DIABLO: variants seen among roughly 807,000 people sequenced by gnomAD.
DIABLO encodes the protein diablo homolog, mitochondrial.
DIABLO carries 32 observed loss-of-function variants against 31.7 expected under a neutral mutation model. That is an observed-to-expected ratio of 1.01 (90% confidence interval 0.76 to 1.35). DIABLO has a LOEUF of 1.35. Among genes scored for constraint, DIABLO ranks in the 40% most tolerant of loss-of-function variants. The pLI, the probability that DIABLO is intolerant of heterozygous loss-of-function variation, is 0.00. For synonymous variants in DIABLO, 132 were observed against 103.2 expected, an observed-to-expected ratio of 1.28 and a Z score of -1.69; for missense variants, 316 against 286.4, an observed-to-expected ratio of 1.10 and a Z score of -0.75.
At chr12:122,208,879 A>AT (rs1593165775) in intron 5 of DIABLO, 3 of 447,774 alleles carry the variant, frequency 6.7e-6, no homozygotes, top group East Asian at 5.6e-5. Flanking sequence ...CCTTTGATTA[A>AT]TTTTTTTAAC....
chr12:122,214,676 C>G (rs1954165146), intron 5 of DIABLO, among the ~76,000 whole-genome samples: 3 of 152,124 alleles, frequency 2.0e-5, no homozygotes, highest in South Asian at 4.1e-4. Context: ...CTTGGCTTCC[C>G]AAAGACACGC....
chr12:122,207,849 GTTTTTC>G lies in DIABLO; in HGVS notation c.*526_*531del. Reference sequence around the variant, plus strand: ...GCACCCCTTCTCTTAGTAGTAATAGGTTTTTCACTCCTTGGCCTCAGCTGTCCTCAC... The same window carrying G: ...GCACCCCTTCTCTTAGTAGTAATAGGACTCCTTGGCCTCAGCTGTCCTCAC... On this transcript the variant is annotated 3_prime_UTR_variant, in exon 6 of 6. Transcript: ENST00000464942. 2.2e-6 allele frequency: 1 copy of G among 460,640 alleles called. No individual in the cohort carries two copies. Among genetic ancestry groups the G allele is most frequent in the Non-Finnish European group, 4.3e-6 (1 of 231,418 alleles). 28.5% of individuals were successfully genotyped at this position (460,640 alleles called of 1,614,324 possible).
chr12:122,214,896 G>A (rs756625973), intron 5 of DIABLO, among the ~76,000 whole-genome samples: 5 of 152,102 alleles, frequency 3.3e-5, no homozygotes, highest in Non-Finnish European at 7.4e-5. Flanking sequence ...TCACCACGGT[G>A]GCCAGGGTAG....
At chr12:122,215,950 C>T (rs143714666) in intron 5 of DIABLO, among the ~76,000 whole-genome samples, 7 of 151,092 alleles carry the variant, frequency 4.6e-5, no homozygotes, top group East Asian at 1.9e-4. Flanking sequence ...CTCACCATAC[C>T]GTGTCATCTT....
At chr12:122,210,583 G>GTTA (rs1954063262) in intron 5 of DIABLO, among the ~76,000 whole-genome samples, 2 of 150,746 alleles carry the variant, frequency 1.3e-5, no homozygotes, top group Non-Finnish European at 2.9e-5. Flanking sequence ...GTTTCACCAC[G>GTTA]TTAGCCAGGA....
upstream of DIABLO, among the ~76,000 whole-genome samples, chr12:122,226,947 C>G (rs1165289825): frequency 6.6e-6 from 1 of 152,234 alleles, no homozygotes; most frequent in Non-Finnish European, 1.5e-5. Flanking sequence ...AAGCTGCAGC[C>G]CCAGCTGCGG....
At chr12:122,208,749 T>G in intron 5 of DIABLO, 172 bp from the exon 6 acceptor site, 1 of 720,950 alleles carries the variant, frequency 1.4e-6, no homozygotes, top group East Asian at 2.7e-5. Flanking sequence ...TGTTCAGGTC[T>G]GGATTTAACT....
chr12:122,225,442 A>G (rs1402680685), intron 1 of DIABLO: 2 of 1,002,408 alleles, frequency 2.0e-6, no homozygotes, highest in Non-Finnish European at 2.4e-6. Context: ...AACGGATGCC[A>G]CAATAACCGC....
intron 1 of DIABLO, chr12:122,225,504 G>T: frequency 1.9e-6 from 2 of 1,046,652 alleles, no homozygotes; most frequent in African/African-American, 3.4e-5. Context: ...CCAGTTGTGT[G>T]TGACGGTCCC....
At chr12:122,222,041 G>C (rs1316108150) in intron 2 of DIABLO, 1 of 152,124 alleles carries the variant, frequency 6.6e-6, no homozygotes, top group Non-Finnish European at 1.5e-5. Flanking sequence ...CTTTTGTGAT[G>C]AACACACACG....
At chr12:122,209,786 A>C in intron 5 of DIABLO, 1 of 703,514 alleles carries the variant, frequency 1.4e-6, no homozygotes, top group Non-Finnish European at 2.6e-6. Context: ...ATTAACAAGA[A>C]CCTTCAGGAC....
At chr12:122,226,085 G>A (rs771035163), upstream of DIABLO, 5 of 1,550,808 alleles carry the variant, frequency 3.2e-6, no homozygotes, top group South Asian at 4.7e-5. Flanking sequence ...GCGGGGCACG[G>A]CCTCCACCTG....
At chr12:122,213,411 A>C (rs1002265692) in intron 5 of DIABLO, among the ~76,000 whole-genome samples, 3 of 150,562 alleles carry the variant, frequency 2.0e-5, no homozygotes, top group African/African-American at 7.4e-5. Context: ...ACATGGTAGG[A>C]TCGCTTGAGC....
At chr12:122,225,631 C>T (rs1593184666) in intron 1 of DIABLO, 1 of 1,291,934 alleles carries the variant, frequency 7.7e-7, no homozygotes, top group Non-Finnish European at 9.9e-7. Flanking sequence ...CGGACTCCCC[C>T]CATGCCGTGT....
intron 5 of DIABLO, among the ~76,000 whole-genome samples, chr12:122,212,332 A>G (rs1195502312): frequency 6.6e-6 from 1 of 152,200 alleles, no homozygotes; most frequent in East Asian, 1.9e-4. Flanking sequence ...AAAAAATCTT[A>G]GTAGCTTCTC....
chr12:122,218,433 G>A (rs1381164938), intron 2 of DIABLO, 36 bp from the exon 3 acceptor site: 1 of 1,613,588 alleles, frequency 6.2e-7, no homozygotes, highest in African/African-American at 1.3e-5. Context: ...AACCTCTAAA[G>A]CTCAAACTGA....
intron 5 of DIABLO, among the ~76,000 whole-genome samples, chr12:122,213,672 C>T (rs1279166155): frequency 6.6e-6 from 1 of 152,114 alleles, no homozygotes; most frequent in Non-Finnish European, 1.5e-5. Flanking sequence ...GTTCACTGCA[C>T]CTAGAAATCC....
chr12:122,225,519 C>CA (rs1419523008), intron 1 of DIABLO: 1 of 1,065,468 alleles, frequency 9.4e-7, no homozygotes, highest in Non-Finnish European at 1.1e-6. Context: ...GGTCCCGCTA[C>CA]AATCGCCCAG....
At position 122,216,590 on chromosome 12, in the gene DIABLO, T is replaced by G. The variant is rs1566024748; in HGVS notation, c.427-6A>C. ...TCTTGGTGTTTTGAAGTCATCTATA[T>G]AAATCAAGCAAAGTGCTTCAGACAG... On this transcript the variant is annotated splice_polypyrimidine_tract_variant and splice_region_variant and intron_variant, in intron 4 of 5. Transcript: ENST00000464942. 1 of 1,614,056 alleles carries G rather than the reference T, an allele frequency of 6.2e-7. No homozygotes were observed. Among genetic ancestry groups the G allele is most frequent in the East Asian group, 2.2e-5 (1 of 44,880 alleles).
Sources: gnomAD v4.1 joint callset for allele counts (sites outside exome capture counted in the v4.1 genomes callset) on GRCh38, gnomAD v4.1.1 for gene constraint, MANE v1.5 for transcripts, NCBI Gene and HGNC (gene_info 2026-07-23, HGNC 2026-07-21) for gene names.